PCDHGB1: variants seen among roughly 807,000 people sequenced by gnomAD.
PCDHGB1 encodes the protein protocadherin gamma subfamily B, 1.
PCDHGB1 carries 34 observed loss-of-function variants against 56.6 expected under a neutral mutation model. The ratio of observed to expected loss-of-function variants is 0.60; its 90% CI spans 0.46 to 0.80. PCDHGB1 has a LOEUF of 0.80. Ranked by LOEUF, PCDHGB1 falls within the 30% of genes least tolerant of loss-of-function variation. PCDHGB1 has a pLI of 0.00. For missense variants in PCDHGB1, 1,278 were observed against 1,204.6 expected (o/e 1.06, Z -0.90); for synonymous variants, 561 against 505.9 (o/e 1.11, Z -1.46).
Position 141,486,274 on chromosome 5 carries a change from T to A in PCDHGB1, c.2410-8533T>A. On this transcript the variant is annotated intron_variant, in intron 1 of 3. Coordinates refer to ENST00000523390, the MANE Select transcript of PCDHGB1 (RefSeq NM_018922.3). The surrounding 1 kb of genome is among the most constrained non-coding windows in gnomAD (Gnocchi z 5.0). ...TCCCCGAGAGTGCAGAACCTGGCAC[T>A]GTGGTGGCACTTATCAGTGTGCAGG... is the stretch of plus-strand genomic sequence containing the variant. 5 of 1,614,064 alleles carry A rather than the reference T, an allele frequency of 3.1e-6. No homozygotes were observed. The highest frequency in any genetic ancestry group is 4.2e-6 in the Non-Finnish European group (5 of 1,179,998).
chr5:141,365,240 C>T, intron 1 of PCDHGB1: 1 of 1,613,976 alleles, frequency 6.2e-7, no homozygotes, highest in Non-Finnish European at 8.5e-7. Context: ...AATCTCAACT[C>T]TACAATCACT....
intron 1 of PCDHGB1, chr5:141,478,024 C>T: frequency 2.5e-6 from 4 of 1,614,188 alleles, no homozygotes; most frequent in Non-Finnish European, 3.4e-6. Context: ...CAGTCCAAGA[C>T]ACAGATTCAC....
chr5:141,414,519 T>C (rs754685087), intron 1 of PCDHGB1: 6 of 1,613,856 alleles, frequency 3.7e-6, no homozygotes, highest in Non-Finnish European at 5.1e-6. Context: ...AAGTGGCAGA[T>C]ATCAATGACA....
At chr5:141,464,407 A>G (rs996561936) in intron 1 of PCDHGB1, among the ~76,000 whole-genome samples, 1 of 151,544 alleles carries the variant, frequency 6.6e-6, no homozygotes, top group Non-Finnish European at 1.5e-5. Flanking sequence ...CCTGAGATAT[A>G]TATATATCTA....
rs368371918 is a variant in PCDHGB1 at position 141,432,800 on chromosome 5, C to G, written c.2410-62007C>G. Reference sequence around the variant, plus strand: ...GGCGGACCTCGGCAGCCTCGAGTCTCCAGCTAACTCTGAAACCTCAGACCT... The same window carrying G: ...GGCGGACCTCGGCAGCCTCGAGTCTGCAGCTAACTCTGAAACCTCAGACCT... On this transcript the variant is annotated intron_variant, in intron 1 of 3. Coordinates refer to ENST00000523390, the MANE Select transcript of PCDHGB1 (RefSeq NM_018922.3). This position sits in a 1 kb window ranked among gnomAD's most constrained non-coding sequence, Gnocchi z 6.0. The G allele has an allele frequency of 9.9e-6, 16 of 1,614,038 alleles. No individual in the cohort carries two copies. Among genetic ancestry groups the G allele is most frequent in the Non-Finnish European group, 1.3e-5 (15 of 1,180,016 alleles).
At chr5:141,430,383 G>A (rs527531595) in intron 1 of PCDHGB1, among the ~76,000 whole-genome samples, 74 of 138,604 alleles carry the variant, frequency 5.3e-4, no homozygotes, top group Admixed American at 8.6e-4. Flanking sequence ...AGCTCATTGG[G>A]AAAAAAAAAA....
chr5:141,360,322 G>T (rs762271493), intron 1 of PCDHGB1: 41 of 1,613,854 alleles, frequency 2.5e-5, no homozygotes, highest in Non-Finnish European at 3.1e-5. Flanking sequence ...GGACTTGCCA[G>T]CCCGGAAGCT....
intron 1 of PCDHGB1, chr5:141,385,668 C>G (rs2090319612): frequency 2.3e-6 from 1 of 428,688 alleles, no homozygotes; most frequent in African/African-American, 2.1e-5. Flanking sequence ...AGGAATAAAA[C>G]ACACCTCAGC....
rs1758995476 is a variant in PCDHGB1 at position 141,352,383 on chromosome 5, C to T, written c.2123C>T (p.Ala708Val). The T allele has an allele frequency of 6.2e-7, 1 of 1,613,918 alleles. No homozygotes were observed. Among genetic ancestry groups the T allele is most frequent in the Admixed American group, 1.7e-5 (1 of 60,002 alleles). Residue 708 changes from alanine to valine, a missense_variant, in exon 1 of 4, where the codon GCC (alanine) becomes GTC (valine). Ala to Val is a moderately conservative substitution (Grantham distance 64, BLOSUM62 0). Transcript: ENST00000523390. ...LFLLAVILAI[A>V]LRLRRSSSLD... ...CTCCTCGCGGTGATTCTAGCGATCG[C>T]CCTGCGCCTGCGACGTTCCTCCAGC...
chr5:141,398,525 T>A, intron 1 of PCDHGB1: 1 of 1,613,440 alleles, frequency 6.2e-7, no homozygotes, highest in Non-Finnish European at 8.5e-7. Flanking sequence ...ACGCCAAAAT[T>A]CACGCAAAAT....
At chr5:141,503,981 C>T (rs774655880) in intron 2 of PCDHGB1, among the ~76,000 whole-genome samples, 4 of 152,300 alleles carry the variant, frequency 2.6e-5, no homozygotes, top group East Asian at 1.9e-4. Flanking sequence ...CCAAACCCTT[C>T]TTCTTACCTT....
At chr5:141,502,932 C>T (rs1039438031) in intron 2 of PCDHGB1, among the ~76,000 whole-genome samples, 2 of 143,766 alleles carry the variant, frequency 1.4e-5, no homozygotes, top group African/African-American at 5.3e-5. Context: ...CAACCTTCAC[C>T]TCCTGGGTTC....
chr5:141,463,364 T>C (rs1166107031), intron 1 of PCDHGB1, among the ~76,000 whole-genome samples: 2 of 150,250 alleles, frequency 1.3e-5, no homozygotes, highest in Admixed American at 6.6e-5. Context: ...TCCCCTTTCC[T>C]GCCCCACAGT....
Position 141,485,274 on chromosome 5 carries a change from C to G in PCDHGB1, c.2410-9533C>G. 2 of 1,614,106 alleles carry G rather than the reference C, an allele frequency of 1.2e-6. No homozygotes were observed. Among genetic ancestry groups the G allele is most frequent in the Non-Finnish European group, 1.7e-6 (2 of 1,179,964 alleles). On this transcript the variant is annotated intron_variant, in intron 1 of 3. Transcript: ENST00000523390. The surrounding 1 kb of genome is among the most constrained non-coding windows in gnomAD (Gnocchi z 5.7). ...TACGTTTGTGGGCAGATCCGCTACC[C>G]GGTCCCAGAGGAGTCACAGGAAGGG...
At chr5:141,484,789 A>T (rs1215899787) in intron 1 of PCDHGB1, among the ~76,000 whole-genome samples, 1 of 152,132 alleles carries the variant, frequency 6.6e-6, no homozygotes, top group Non-Finnish European at 1.5e-5. Flanking sequence ...CCACAGAGAT[A>T]ACAACCCGTG....
chr5:141,401,503 C>A (rs755118621), intron 1 of PCDHGB1, among the ~76,000 whole-genome samples: 1 of 151,946 alleles, frequency 6.6e-6, no homozygotes, highest in Non-Finnish European at 1.5e-5. Flanking sequence ...AATCCTTTTC[C>A]ACCTCTATAT....
intron 1 of PCDHGB1, among the ~76,000 whole-genome samples, chr5:141,435,357 T>C (rs749223776): frequency 6.6e-6 from 1 of 152,208 alleles, no homozygotes; most frequent in Non-Finnish European, 1.5e-5. Flanking sequence ...CATTTAAAAT[T>C]TTATCACTTA....
At chr5:141,402,398 ATTG>A (rs1159125909) in intron 1 of PCDHGB1, among the ~76,000 whole-genome samples, 19 of 152,216 alleles carry the variant, frequency 1.2e-4, no homozygotes, top group African/African-American at 4.6e-4. Context: ...ACTTCAGAAA[ATTG>A]TTAAGATACA....
At chr5:141,380,929 C>T (rs1385655578) in intron 1 of PCDHGB1, among the ~76,000 whole-genome samples, 1 of 152,234 alleles carries the variant, frequency 6.6e-6, no homozygotes, top group East Asian at 1.9e-4. Flanking sequence ...AATAATCATA[C>T]ACTTTGCTTG....
Sources: gnomAD v4.1 joint callset for allele counts (sites outside exome capture counted in the v4.1 genomes callset) on GRCh38, gnomAD v4.1.1 for gene constraint, Gnocchi (gnomAD v3.1) non-coding constraint, MANE v1.5 for transcripts, NCBI Gene and HGNC (gene_info 2026-07-23, HGNC 2026-07-21) for gene names.